The following VAC14 variants were observed in gnomAD, a reference collection of about 807,000 sequenced individuals.
VAC14 encodes protein VAC14 homolog.
A neutral mutation model predicts 85.3 loss-of-function variants in VAC14; 47 were observed. That is an observed-to-expected ratio of 0.55 (90% CI 0.44 to 0.70). The LOEUF is 0.70. Among genes scored for constraint, VAC14 ranks in the 30% least tolerant of loss-of-function variants. The probability of loss-of-function intolerance (pLI) is 0.00; values close to 1 mark genes in which losing one functional copy is unlikely to be tolerated. For synonymous variants in VAC14, 447 were observed against 430.5 expected, an observed-to-expected ratio of 1.04 and a Z score of -0.47; for missense variants, 861 against 1,004.3, an observed-to-expected ratio of 0.86 and a Z score of 1.93.
chr16:70,760,061 T>C (rs186562948), intron 12 of VAC14, among the ~76,000 whole-genome samples: 12 of 152,134 alleles, frequency 7.9e-5, no homozygotes, highest in African/African-American at 2.9e-4. Context: ...GGTAATGACT[T>C]CCTACAGTTA....
chr16:70,780,608 G>A (rs566056388), intron 9 of VAC14, among the ~76,000 whole-genome samples, 182 bp downstream of exon 9: 3 of 152,344 alleles, frequency 2.0e-5, no homozygotes, highest in Admixed American at 2.0e-4. Flanking sequence ...GCTTCCCTGT[G>A]TCCTGTCTGC....
Position 70,780,839 on chromosome 16 carries a change from T to C in VAC14, c.1047A>G (p.Ala349=). Residue 349 remains alanine, a synonymous_variant, in exon 9 of 19, where the codon GCA becomes GCG. Coordinates refer to ENST00000261776, the MANE Select transcript of VAC14 (RefSeq NM_018052.5). The part of the protein sequence containing the change: ...LDELRPGQRQ[A]EPTPDDALPK... ...GCAGGGCATCGTCAGGGGTGGGCTC[T>C]GCCTGCCTCTGCCCAGGTCTCAGCT... 6.2e-7 allele frequency: 1 copy of C among 1,613,426 alleles called. No individual in the cohort carries two copies. Among genetic ancestry groups the C allele is most frequent in the Non-Finnish European group, 8.5e-7 (1 of 1,179,566 alleles).
At chr16:70,730,393 T>C (rs2054554691) in intron 14 of VAC14, among the ~76,000 whole-genome samples, 1 of 152,002 alleles carries the variant, frequency 6.6e-6, no homozygotes, top group Non-Finnish European at 1.5e-5. Flanking sequence ...AGCTGCTTAT[T>C]AGTTTACAGC....
At chr16:70,688,158 A>T (rs1347665945) in intron 18 of VAC14, 68 bp from the exon 19 acceptor site, 1 of 1,413,244 alleles carries the variant, frequency 7.1e-7, no homozygotes, top group Non-Finnish European at 9.3e-7. Flanking sequence ...GCTGGAGGGC[A>T]GTGGGGTCAG....
chr16:70,745,088 G>A lies in VAC14; in HGVS notation c.1372-509C>T, dbSNP rs541000505. 135 of 153,974 alleles carry A rather than the reference G, an allele frequency of 8.8e-4. No homozygotes were observed. In the South Asian group the frequency reaches 9.8e-3, roughly 11 times the overall value. 9.5% of individuals were successfully genotyped at this position (153,974 alleles called of 1,614,324 possible). A position where few individuals can be genotyped will look rare whatever the true frequency, so the allele number is the denominator to read the frequency against. On this transcript the variant is annotated intron_variant, in intron 12 of 18. Transcript: ENST00000261776. ...ACCAGGCCACTGCAGACCCTAAAGC[G>A]TCCTCCACATTTGGCGTGCTACTCT...
At chr16:70,767,320 A>C (rs1347060996) in intron 10 of VAC14, among the ~76,000 whole-genome samples, 1 of 152,170 alleles carries the variant, frequency 6.6e-6, no homozygotes, top group African/African-American at 2.4e-5. Flanking sequence ...TGTTCGGGTT[A>C]CATCTCTAAT....
intron 14 of VAC14, among the ~76,000 whole-genome samples, chr16:70,718,449 G>A (rs1025368314): frequency 6.6e-6 from 1 of 151,790 alleles, no homozygotes; most frequent in African/African-American, 2.4e-5. Context: ...GTGGGCGCCT[G>A]TAGTCCCAAC....
chr16:70,781,368 C>T (rs191436128), intron 8 of VAC14, among the ~76,000 whole-genome samples: 7 of 152,274 alleles, frequency 4.6e-5, no homozygotes, highest in South Asian at 2.1e-4. Context: ...TTTATAGCAA[C>T]GCAAAATGGG....
chr16:70,778,977 C>G (rs1049476629), intron 9 of VAC14: 3 of 152,234 alleles, frequency 2.0e-5, no homozygotes, highest in African/African-American at 7.2e-5. Context: ...GCTTATCCCT[C>G]CAAGTTAACT....
At position 70,698,561 on chromosome 16, in the gene VAC14, G is replaced by A. The variant is rs929483041; in HGVS notation, c.1836+76C>T. 4.9e-5 allele frequency: 77 copies of A among 1,561,302 alleles called. No homozygotes were observed. In the East Asian group the frequency reaches 8.4e-4, roughly 17 times the overall value. ...CCCTGAGAGCCTCCTGGGGCCAGCC[G>A]AGGGGCGGGCTCACACAGGGTGTGC... On this transcript the variant is annotated intron_variant, in intron 15 of 18. Transcript: ENST00000261776.
intron 12 of VAC14, among the ~76,000 whole-genome samples, chr16:70,758,368 C>G (rs961317559): frequency 6.6e-6 from 1 of 152,192 alleles, no homozygotes; most frequent in African/African-American, 2.4e-5. Context: ...CCAGGGTCCC[C>G]GGTAAGGAAG....
At chr16:70,726,215 T>C (rs1418627742) in intron 14 of VAC14, among the ~76,000 whole-genome samples, 3 of 152,242 alleles carry the variant, frequency 2.0e-5, no homozygotes, top group African/African-American at 7.2e-5. Context: ...TCTGCCTGCA[T>C]TAGCATGGAG....
At chr16:70,690,965 G>A (rs1289859664) in intron 18 of VAC14, 1 of 983,340 alleles carries the variant, frequency 1.0e-6, no homozygotes, top group Non-Finnish European at 1.2e-6. Flanking sequence ...CCCAGAGAGG[G>A]CACTGGGCTT....
chr16:70,749,310 T>G (rs9932965), intron 12 of VAC14, among the ~76,000 whole-genome samples: 35,629 of 152,254 alleles, frequency 0.23, 5,303 homozygotes, highest in African/African-American at 0.43. Context: ...CCCACCCCAC[T>G]GCAGAGCACA....
rs779308806 is a variant in VAC14 at position 70,783,465 on chromosome 16, A to G, written c.684T>C (p.Asn228=). The G allele has an allele frequency of 6.2e-7, 1 of 1,614,050 alleles. No individual in the cohort carries two copies. The highest frequency in any genetic ancestry group is 2.2e-5 in the East Asian group (1 of 44,870). Residue 228 remains asparagine, a synonymous_variant, in exon 6 of 19, where the codon AAT becomes AAC. Coordinates refer to ENST00000261776, the MANE Select transcript of VAC14 (RefSeq NM_018052.5). Reference sequence around the variant, plus strand: ...CTCACATTTTGCGAATCTCTTTGCCATTGTCACCCAGGATCTGGAAGAGTC... The same window carrying G: ...CTCACATTTTGCGAATCTCTTTGCCGTTGTCACCCAGGATCTGGAAGAGTC... ...LDGLFQILGD[N]GKEIRKMCEV...
intron 12 of VAC14, among the ~76,000 whole-genome samples, chr16:70,753,709 G>A (rs1482499206): frequency 6.6e-6 from 1 of 152,168 alleles, no homozygotes; most frequent in African/African-American, 2.4e-5. Flanking sequence ...GAGGAAGGCC[G>A]GGAGTGAGGC....
chr16:70,745,584 A>C (rs971186926), intron 12 of VAC14, among the ~76,000 whole-genome samples: 3 of 151,654 alleles, frequency 2.0e-5, no homozygotes, highest in East Asian at 3.9e-4. Context: ...CTTCCTGGCC[A>C]CCTTCTGCTG....
intron 13 of VAC14, among the ~76,000 whole-genome samples, chr16:70,739,201 A>G (rs2030011359): frequency 6.6e-6 from 1 of 152,228 alleles, no homozygotes; most frequent in South Asian, 2.1e-4. Context: ...CCCTTGTCCG[A>G]GGTCACGGGA....
At chr16:70,760,030 G>T (rs1450272617) in intron 12 of VAC14, among the ~76,000 whole-genome samples, 1 of 152,192 alleles carries the variant, frequency 6.6e-6, no homozygotes, top group Non-Finnish European at 1.5e-5. Flanking sequence ...CAAGTGAAGG[G>T]TCTAGCGCGA....
Sources: allele counts gnomAD v4.1 joint callset (sites outside exome capture counted in the v4.1 genomes callset), GRCh38; gene constraint gnomAD v4.1.1; transcripts MANE v1.5; gene names NCBI Gene and HGNC (gene_info 2026-07-23, HGNC 2026-07-21).